Variants in RIMKLA observed in about 807,000 individuals in gnomAD.
RIMKLA encodes the protein N-acetylaspartylglutamate synthase A.
Under a neutral mutation model 32.7 loss-of-function variants are expected in RIMKLA, and 14 were observed. The observed-to-expected ratio is 0.43, with a 90% CI of 0.28 to 0.67. The LOEUF (loss-of-function observed/expected upper bound fraction) is 0.67. Among genes scored for constraint, RIMKLA ranks in the 30% least tolerant of loss-of-function variants. The pLI, the probability that RIMKLA is intolerant of heterozygous loss-of-function variation, is 0.18. For synonymous variants in RIMKLA, 176 were observed against 204.1 expected (o/e 0.86, Z 1.18); for missense variants, 410 against 519.0 (o/e 0.79, Z 2.04).
At position 42,413,224 on chromosome 1, in the gene RIMKLA, G is replaced by A. The variant is rs574036035; in HGVS notation, c.686-1260G>A. On this transcript the variant is annotated intron_variant, in intron 4 of 4. Transcript: ENST00000431473. ...TGTAGAAAATTCGGAAAATATGGCC[G>A]GGCGCAGTGGCTCACACCTGAAATC... Among the ~76,000 whole-genome samples, 99 of 151,542 alleles carry A rather than the reference G, an allele frequency of 6.5e-4. 2 individuals are homozygous for A. The East Asian group carries it at 0.016, about 25-fold the overall frequency.
At chr1:42,414,309 C>T (rs996223221) in intron 4 of RIMKLA, among the ~76,000 whole-genome samples, 175 bp from the exon 5 acceptor site, 3 of 152,006 alleles carry the variant, frequency 2.0e-5, no homozygotes, top group Admixed American at 6.6e-5. Flanking sequence ...ATTTTTAAGA[C>T]TAGATAAAAA....
At chr1:42,385,799 C>CTTTCTTTCTT (rs761449314) in intron 1 of RIMKLA, among the ~76,000 whole-genome samples, 2 of 109,272 alleles carry the variant, frequency 1.8e-5, no homozygotes, top group Non-Finnish European at 4.0e-5. Context: ...TTCTTTCTTT[C>CTTTCTTTCTT]TCTCTCTCTT....
At chr1:42,406,669 C>A (rs1557756510) in intron 3 of RIMKLA, among the ~76,000 whole-genome samples, 1 of 151,574 alleles carries the variant, frequency 6.6e-6, no homozygotes, top group Non-Finnish European at 1.5e-5. Flanking sequence ...TCCTCACCAT[C>A]ACTTGTTATT....
At chr1:42,399,346 T>C (rs1643076419) in intron 1 of RIMKLA, 58 bp from the exon 2 acceptor site, 1 of 1,280,164 alleles carries the variant, frequency 7.8e-7, no homozygotes, top group Non-Finnish European at 1.1e-6. Flanking sequence ...TGGAACCATT[T>C]CTTCTGGTGG....
intron 2 of RIMKLA, among the ~76,000 whole-genome samples, chr1:42,401,369 C>T (rs1643095725): frequency 6.7e-6 from 1 of 149,882 alleles, no homozygotes; most frequent in Non-Finnish European, 1.5e-5. Flanking sequence ...AAACTAATCA[C>T]TTGAGCCCAG....
rs1426262634 is a variant in RIMKLA at position 42,423,830 on chromosome 1, G to A, written c.*8856G>A. 6.6e-6 allele frequency among the ~76,000 whole-genome samples: 1 copy of A among 152,196 alleles called. No homozygotes were observed. The highest frequency in any genetic ancestry group is 1.9e-4 in the East Asian group (1 of 5,198). On this transcript the variant is annotated 3_prime_UTR_variant, in exon 5 of 5. Transcript: ENST00000431473. The stretch of plus-strand genomic sequence containing the variant: ...TAATGGCACTTCTTAAATCTGGTGA[G>A]AGGCTTCTCTCAAAAATGATCGCTC...
chr1:42,397,640 G>C (rs1201602563), intron 1 of RIMKLA, among the ~76,000 whole-genome samples: 2 of 152,050 alleles, frequency 1.3e-5, no homozygotes, highest in Non-Finnish European at 2.9e-5. Flanking sequence ...TGGGAGGATC[G>C]CTTGAGCCTA....
chr1:42,394,649 A>G (rs1322318432), intron 1 of RIMKLA, among the ~76,000 whole-genome samples: 1 of 152,218 alleles, frequency 6.6e-6, no homozygotes, highest in African/African-American at 2.4e-5. Flanking sequence ...CTGCTTTCCA[A>G]TAAAGATTTA....
chr1:42,396,030 C>T (rs1048460649), intron 1 of RIMKLA, among the ~76,000 whole-genome samples: 1 of 151,798 alleles, frequency 6.6e-6, no homozygotes, highest in Non-Finnish European at 1.5e-5. Context: ...CACCTGAGGT[C>T]AAGAGACCAG....
rs1442834977 is a variant in RIMKLA, at chr1:42,416,096, G to GGGGT, written c.*1124_*1125insGTGG. ...CCCATTGCACATTTTGCGGGGGGGGGGGCTAATGTAGACATGACACCAAGT... is the reference window on the plus strand; with the variant it reads ...CCCATTGCACATTTTGCGGGGGGGGGGGGTGGCTAATGTAGACATGACACCAAGT... On this transcript the variant is annotated 3_prime_UTR_variant, in exon 5 of 5. Transcript: ENST00000431473. 7.6e-6 allele frequency: 1 copy of GGGGT among 131,602 alleles called. No homozygotes were observed. The highest frequency in any genetic ancestry group is 1.7e-5 in the Non-Finnish European group (1 of 58,754). The allele number at this position is 131,602 out of a possible 1,614,324, so 8.2% of individuals were successfully genotyped here. A position where few individuals can be genotyped will look rare whatever the true frequency, so the allele number is the denominator to read the frequency against.
At chr1:42,385,808 T>C (rs201780292) in intron 1 of RIMKLA, among the ~76,000 whole-genome samples, 6,301 of 71,224 alleles carry the variant, frequency 0.088, 486 homozygotes, top group Middle Eastern at 0.18. Context: ...TCTCTCTCTC[T>C]TTCCTTCCTT....
At position 42,418,308 on chromosome 1, in the gene RIMKLA, T is replaced by G. The variant is rs757146476; in HGVS notation, c.*3334T>G. On this transcript the variant is annotated 3_prime_UTR_variant, in exon 5 of 5. Transcript: ENST00000431473. ...AAATGTCTTCATGCTGTTTTTCTGA[T>G]CGGGTATGGGGTTGCCAGAATGAGG... 1.3e-5 allele frequency: 2 copies of G among 152,178 alleles called. No individual in the cohort carries two copies. The highest frequency in any genetic ancestry group is 1.3e-4 in the Admixed American group (2 of 15,284). The allele number at this position is 152,178 out of a possible 1,614,324, so 9.4% of individuals were successfully genotyped here.
chr1:42,392,318 C>T (rs1237962421), intron 1 of RIMKLA, among the ~76,000 whole-genome samples: 1 of 151,604 alleles, frequency 6.6e-6, no homozygotes, highest in Non-Finnish European at 1.5e-5. Context: ...CCTCTCCCTC[C>T]CCCTGCTCAA....
intron 3 of RIMKLA, among the ~76,000 whole-genome samples, chr1:42,405,695 G>A (rs538873002): frequency 6.6e-6 from 1 of 152,300 alleles, no homozygotes; most frequent in South Asian, 2.1e-4. Context: ...CACTGATCTC[G>A]AGGCGCTCAA....
Position 42,417,040 on chromosome 1 carries a change from GT to G in RIMKLA, c.*2069del, listed in dbSNP as rs920114886. ...GGCTTTAAAAGACGGACAGCTTTAG[GT>G]TTGTTCTCACTGGAACTGGTTACAC... On this transcript the variant is annotated 3_prime_UTR_variant, in exon 5 of 5. Transcript: ENST00000431473. 6 of 152,226 alleles carry G rather than the reference GT, an allele frequency of 3.9e-5. No individual in the cohort carries two copies. Among genetic ancestry groups the G allele is most frequent in the Non-Finnish European group, 8.8e-5 (6 of 68,046 alleles). The allele number at this position is 152,226 out of a possible 1,614,324, so 9.4% of individuals were successfully genotyped here.
At chr1:42,399,044 T>C (rs1258024183) in intron 1 of RIMKLA, among the ~76,000 whole-genome samples, 1 of 150,442 alleles carries the variant, frequency 6.6e-6, no homozygotes, top group African/African-American at 2.5e-5. Flanking sequence ...ATTCCTAAAG[T>C]GGGCAAAACT....
Position 42,410,570 on chromosome 1 carries a change from A to G in RIMKLA, c.685+383A>G, listed in dbSNP as rs141835061. Among the ~76,000 whole-genome samples the G allele has an allele frequency of 8.5e-5, 13 of 152,364 alleles. No individual in the cohort carries two copies. The East Asian group carries it at 2.3e-3, about 27-fold the overall frequency. ...TGCAACAGCTCAGGCAAAAAAAATA[A>G]TAAGAGTCTAAAGTGATGACAGGAG... On this transcript the variant is annotated intron_variant, in intron 4 of 4. Coordinates refer to ENST00000431473, the MANE Select transcript of RIMKLA (RefSeq NM_173642.4).
Position 42,423,244 on chromosome 1 carries a change from C to A in RIMKLA, c.*8270C>A, listed in dbSNP as rs74068426. 2.2e-3 allele frequency among the ~76,000 whole-genome samples: 334 copies of A among 152,208 alleles called. 2 individuals are homozygous for A. Among genetic ancestry groups the A allele is most frequent in the African/African-American group, 7.8e-3 (322 of 41,532 alleles). On this transcript the variant is annotated 3_prime_UTR_variant, in exon 5 of 5. Coordinates refer to ENST00000431473, the MANE Select transcript of RIMKLA (RefSeq NM_173642.4). ...ATGATTTGGGGTATGACATTATGTA[C>A]CATTCATATTGTCCTTGAACCCAAA... is the stretch of plus-strand genomic sequence containing the variant.
chr1:42,412,851 A>G (rs1468161136), intron 4 of RIMKLA: 1 of 254,502 alleles, frequency 3.9e-6, no homozygotes, highest in Non-Finnish European at 7.7e-6. Flanking sequence ...AAATCAATAA[A>G]TTGGCCAGGT....
Sources: gnomAD v4.1 joint callset for allele counts (sites outside exome capture counted in the v4.1 genomes callset) on GRCh38, gnomAD v4.1.1 for gene constraint, MANE v1.5 for transcripts, NCBI Gene and HGNC (gene_info 2026-07-23, HGNC 2026-07-21) for gene names.